The following GRIP2 variants were observed in gnomAD, a reference collection of about 807,000 sequenced individuals.
The protein encoded by GRIP2 is glutamate receptor-interacting protein 2.
Under a neutral mutation model 108.3 loss-of-function variants are expected in GRIP2, and 58 were observed. That is an observed-to-expected ratio of 0.54 (90% CI 0.43 to 0.67). GRIP2 has a LOEUF of 0.67. Ranked by LOEUF, GRIP2 falls within the 30% of genes least tolerant of loss-of-function variation. The pLI is 0.00. For missense variants in GRIP2, 1,278 were observed against 1,430.6 expected (o/e 0.89, Z 1.72); for synonymous variants, 586 against 598.2 (o/e 0.98, Z 0.30).
At chr3:14,542,192 G>T, upstream of GRIP2, 1 of 625,238 alleles carries the variant, frequency 1.6e-6, no homozygotes, top group Non-Finnish European at 2.3e-6. Flanking sequence ...GTCTCACTCT[G>T]TCACCTGGGC....
rs773923094 is a variant in GRIP2 at position 14,522,769 on chromosome 3, C to T, written c.566+231G>A. The T allele has an allele frequency of 7.6e-5, 41 of 538,262 alleles. No homozygotes were observed. The highest frequency in any genetic ancestry group is 3.7e-4 in the South Asian group (17 of 45,514). 33.3% of individuals were successfully genotyped at this position (538,262 alleles called of 1,614,324 possible). On this transcript the variant is annotated intron_variant, in intron 6 of 23. Coordinates refer to ENST00000621039, the MANE Select transcript of GRIP2 (RefSeq NM_001080423.4). This position sits in a 1 kb window ranked among gnomAD's most constrained non-coding sequence, Gnocchi z 4.3. ...CAAGGCTGCCCCTCTCCAAACACCCCAACCCCTGAGACAGCAGTATGTTGG... is the reference window on the plus strand; with the variant it reads ...CAAGGCTGCCCCTCTCCAAACACCCTAACCCCTGAGACAGCAGTATGTTGG...
In GRIP2 at chr3:14,511,082, G is replaced by C; in HGVS notation, c.1933+83C>G. ...CCCACCACCCTCCCTTCCTCGGCTG[G>C]AGGGAGCCCTGAATTGCAAGCTGGG... On this transcript the variant is annotated intron_variant, in intron 16 of 23. Transcript: ENST00000621039. This position sits in a 1 kb window ranked among gnomAD's most constrained non-coding sequence, Gnocchi z 4.1. The C allele has an allele frequency of 6.6e-7, 1 of 1,520,222 alleles. No individual in the cohort carries two copies. The highest frequency in any genetic ancestry group is 1.2e-5 in the South Asian group (1 of 80,380). The allele number at this position is 1,520,222 out of a possible 1,614,324, so 94.2% of individuals were successfully genotyped here. A position where few individuals can be genotyped will look rare whatever the true frequency, so the allele number is the denominator to read the frequency against.
At chr3:14,571,336 G>A in the GRIP2 span, among the ~76,000 whole-genome samples, 19,185 of 152,014 alleles carry the variant, frequency 0.13, 1,327 homozygotes, top group South Asian at 0.2. Flanking sequence ...AGTAGCGCCC[G>A]TCAGATCTCC....
chr3:14,557,023 C>T (rs951946150), upstream of GRIP2, among the ~76,000 whole-genome samples: 3 of 152,250 alleles, frequency 2.0e-5, no homozygotes, highest in Admixed American at 6.5e-5. Context: ...GCAAGACACC[C>T]GCTCGGGAAT....
chr3:14,517,114 C>T lies in GRIP2; in HGVS notation c.1256G>A (p.Arg419Gln), dbSNP rs572869583. 40 of 1,608,956 alleles carry T rather than the reference C, an allele frequency of 2.5e-5. No homozygotes were observed. In the African/African-American group the frequency reaches 3.6e-4, roughly 15 times the overall value. ...CTGCCTCCTCCGCCCCATTGTAGTT[C>T]GAGGACTCATGGGCTGGGATCCACG... ...LPRGSQPMSPRTTMGRRRQRR... is the reference protein window; with the variant it reads ...LPRGSQPMSPQTTMGRRRQRR... Residue 419 changes from arginine to glutamine, a missense_variant, in exon 11 of 24, where the codon CGA becomes CAA. Coordinates refer to ENST00000621039, the MANE Select transcript of GRIP2 (RefSeq NM_001080423.4).
At chr3:14,564,002 C>A in the GRIP2 span, among the ~76,000 whole-genome samples, 6 of 152,214 alleles carry the variant, frequency 3.9e-5, no homozygotes, top group African/African-American at 1.4e-4. Flanking sequence ...CCTCACCAGA[C>A]CTGCTCTGAG....
chr3:14,522,510 G>A lies in GRIP2; in HGVS notation c.566+490C>T, dbSNP rs142612645. On this transcript the variant is annotated intron_variant, in intron 6 of 23. Coordinates refer to ENST00000621039, the MANE Select transcript of GRIP2 (RefSeq NM_001080423.4). The surrounding 1 kb of genome is among the most constrained non-coding windows in gnomAD (Gnocchi z 4.3). ...CCAGGAATCTCCCACTGGGGAGGCC[G>A]AGGGATCAGGGGCTGGGAACTGGAC... 7.2e-4 allele frequency: 112 copies of A among 156,114 alleles called. No homozygotes were observed. In the East Asian group the frequency reaches 0.02, roughly 29 times the overall value. 9.7% of individuals were successfully genotyped at this position (156,114 alleles called of 1,614,324 possible).
At chr3:14,527,229 G>A (rs1025205975) in intron 1 of GRIP2, among the ~76,000 whole-genome samples, 1 of 149,826 alleles carries the variant, frequency 6.7e-6, no homozygotes, top group African/African-American at 2.4e-5. Flanking sequence ...GAGAGAGAGG[G>A]GGTGAGAAAG....
At chr3:14,590,140 G>A in the GRIP2 span, among the ~76,000 whole-genome samples, 1 of 152,298 alleles carries the variant, frequency 6.6e-6, no homozygotes, top group Non-Finnish European at 1.5e-5. Flanking sequence ...ATTGCATGTG[G>A]CTTTTATGAG....
At chr3:14,572,853 T>C in the GRIP2 span, 2 of 1,133,942 alleles carry the variant, frequency 1.8e-6, no homozygotes, top group Middle Eastern at 2.7e-4. Flanking sequence ...GCCAGCTCGG[T>C]GGAGCTGAGC....
At chr3:14,577,551 C>T in the GRIP2 span, among the ~76,000 whole-genome samples, 1 of 152,194 alleles carries the variant, frequency 6.6e-6, no homozygotes, top group African/African-American at 2.4e-5. Context: ...AGGAAGTTGC[C>T]TTAACCTGGA....
In GRIP2 at chr3:14,522,080, G is replaced by A. The variant is rs66622582; in HGVS notation, c.567-293C>T. 147,379 of 363,550 alleles carry A rather than the reference G, an allele frequency of 0.41. 32,115 individuals are homozygous for A. Among genetic ancestry groups the A allele is most frequent in the East Asian group, 0.59 (11,300 of 19,170 alleles). 22.5% of individuals were successfully genotyped at this position (363,550 alleles called of 1,614,324 possible). A position where few individuals can be genotyped will look rare whatever the true frequency, so the allele number is the denominator to read the frequency against. ...CAGACTCAGTGCAGAACCCTGAAAT[G>A]TCTGAGCTGGGGGTGCTCTTCAAGC... On this transcript the variant is annotated intron_variant, in intron 6 of 23. Transcript: ENST00000621039. This position sits in a 1 kb window ranked among gnomAD's most constrained non-coding sequence, Gnocchi z 4.3.
chr3:14,544,370 G>A (rs1172476001), upstream of GRIP2, among the ~76,000 whole-genome samples: 1 of 152,188 alleles, frequency 6.6e-6, no homozygotes. Flanking sequence ...CTCCCACCCA[G>A]AGGCTAGTGG....
At chr3:14,596,465 C>A in the GRIP2 span, among the ~76,000 whole-genome samples, 6 of 152,122 alleles carry the variant, frequency 3.9e-5, no homozygotes, top group Non-Finnish European at 5.9e-5. Flanking sequence ...CCATAAGGCC[C>A]ACATTCTCTG....
intron 1 of GRIP2, among the ~76,000 whole-genome samples, chr3:14,536,437 G>C (rs969394624): frequency 6.6e-6 from 1 of 152,164 alleles, no homozygotes. Flanking sequence ...GAGGGCAACA[G>C]ACCCCAAATG....
At chr3:14,574,766 G>A in the GRIP2 span, 1 of 390,932 alleles carries the variant, frequency 2.6e-6, no homozygotes, top group Non-Finnish European at 4.9e-6. Context: ...CTGCATGGAA[G>A]CTCATCTTGG....
At chr3:14,573,419 G>T in the GRIP2 span, 1 of 1,360,574 alleles carries the variant, frequency 7.3e-7, no homozygotes. Context: ...GGTAGTGCAG[G>T]ATCCTGGTGT....
the GRIP2 span, chr3:14,572,713 C>T: frequency 1.0e-5 from 5 of 479,578 alleles, no homozygotes; most frequent in South Asian, 1.1e-4. Context: ...GTGAACAAGG[C>T]ACAAGAGTTC....
At chr3:14,551,216 G>A (rs1309053970) in intron 1 of GRIP2, among the ~76,000 whole-genome samples, 1 of 152,196 alleles carries the variant, frequency 6.6e-6, no homozygotes, top group Non-Finnish European at 1.5e-5. Flanking sequence ...AGACAGGGCT[G>A]GGAGCCTTCA....
Sources: gnomAD v4.1 joint callset for allele counts (sites outside exome capture counted in the v4.1 genomes callset) on GRCh38, gnomAD v4.1.1 for gene constraint, Gnocchi (gnomAD v3.1) non-coding constraint, MANE v1.5 for transcripts, NCBI Gene and HGNC (gene_info 2026-07-23, HGNC 2026-07-21) for gene names.